SHCBP1L: variants seen among roughly 807,000 people sequenced by gnomAD.
SHCBP1L encodes testicular spindle-associated protein SHCBP1L.
A neutral mutation model predicts 62.5 loss-of-function variants in SHCBP1L; 67 were observed. That is an observed-to-expected ratio of 1.07 (90% CI 0.88 to 1.31). The LOEUF is 1.31. Ranked by LOEUF, SHCBP1L falls within the 40% of genes most tolerant of loss-of-function variation. The probability of loss-of-function intolerance (pLI) is 0.00; values close to 1 mark genes in which losing one functional copy is unlikely to be tolerated. For synonymous variants in SHCBP1L, 284 were observed against 289.4 expected (o/e 0.98, Z 0.19); for missense variants, 823 against 809.8 (o/e 1.02, Z -0.20).
intron 6 of SHCBP1L, among the ~76,000 whole-genome samples, chr1:182,915,149 C>T (rs1347250194): frequency 9.9e-6 from 1 of 101,500 alleles, no homozygotes; most frequent in Non-Finnish European, 1.8e-5. Flanking sequence ...GCAACAGAGG[C>T]AGACTCTGTC....
At chr1:182,939,135 T>A (rs779695659) in intron 5 of SHCBP1L, 41 bp downstream of exon 5, 1 of 1,467,254 alleles carries the variant, frequency 6.8e-7, no homozygotes, top group East Asian at 2.3e-5. Flanking sequence ...ATAATAACCA[T>A]GTAAACTTTT....
At chr1:182,937,679 A>G (rs1651224625) in intron 5 of SHCBP1L, among the ~76,000 whole-genome samples, 1 of 152,190 alleles carries the variant, frequency 6.6e-6, no homozygotes, top group Non-Finnish European at 1.5e-5. Context: ...AAACTGTCCC[A>G]CAGTTCTTGA....
intron 6 of SHCBP1L, among the ~76,000 whole-genome samples, chr1:182,910,822 G>A (rs1650158420): frequency 6.6e-6 from 1 of 152,122 alleles, no homozygotes. Context: ...CCTCAGCTCA[G>A]AGACAATCTG....
chr1:182,907,690 T>C (rs1213922647), intron 6 of SHCBP1L, among the ~76,000 whole-genome samples: 1 of 151,874 alleles, frequency 6.6e-6, no homozygotes, highest in Non-Finnish European at 1.5e-5. Context: ...GTGATTCTCC[T>C]GCCTCAGCCT....
intron 6 of SHCBP1L, among the ~76,000 whole-genome samples, chr1:182,911,541 G>A (rs74129619): frequency 0.093 from 14,154 of 152,076 alleles, 952 homozygotes; most frequent in African/African-American, 0.18. Context: ...ATAAGACTTT[G>A]GACTTACTAG....
At chr1:182,918,111 C>T (rs1650410651) in intron 6 of SHCBP1L, among the ~76,000 whole-genome samples, 1 of 148,220 alleles carries the variant, frequency 6.7e-6, no homozygotes, top group Non-Finnish European at 1.5e-5. Context: ...TATATATACA[C>T]ACACATATAT....
At chr1:182,902,287 G>A (rs1649869580) in intron 9 of SHCBP1L, among the ~76,000 whole-genome samples, 2 of 151,892 alleles carry the variant, frequency 1.3e-5, no homozygotes, top group African/African-American at 2.4e-5. Context: ...TCTTGACCTC[G>A]TGATCTGCTC....
chr1:182,917,988 A>G (rs1181301539), intron 6 of SHCBP1L, among the ~76,000 whole-genome samples: 1 of 151,736 alleles, frequency 6.6e-6, no homozygotes, highest in East Asian at 1.9e-4. Flanking sequence ...AAGAAATAAA[A>G]TGTATCCAAA....
At chr1:182,921,028 C>T (rs1260756924) in intron 6 of SHCBP1L, among the ~76,000 whole-genome samples, 2 of 151,916 alleles carry the variant, frequency 1.3e-5, no homozygotes, top group Admixed American at 6.6e-5. Flanking sequence ...AGCAGAGTAC[C>T]CCTATGAGAT....
chr1:182,931,642 T>A (rs950603155), intron 5 of SHCBP1L, among the ~76,000 whole-genome samples: 1 of 152,146 alleles, frequency 6.6e-6, no homozygotes, highest in Non-Finnish European at 1.5e-5. Flanking sequence ...TTCAGCAAAG[T>A]TGATCAAAAA....
chr1:182,904,568 TG>T, intron 7 of SHCBP1L, 138 bp from the exon 8 acceptor site: 1 of 899,966 alleles, frequency 1.1e-6, no homozygotes, highest in Non-Finnish European at 1.7e-6. Context: ...TGTGTGTGTG[TG>T]TGTGTGTGCG....
intron 9 of SHCBP1L, among the ~76,000 whole-genome samples, chr1:182,902,184 G>A (rs1214048936): frequency 2.0e-5 from 3 of 150,760 alleles, no homozygotes; most frequent in African/African-American, 7.3e-5. Flanking sequence ...TGAATAGCTG[G>A]GACTACAGGC....
intron 6 of SHCBP1L, among the ~76,000 whole-genome samples, chr1:182,921,288 G>A (rs533486302): frequency 6.6e-6 from 1 of 152,232 alleles, no homozygotes; most frequent in South Asian, 2.1e-4. Context: ...CTTCATAAGT[G>A]AAGGTAAGAA....
intron 5 of SHCBP1L, among the ~76,000 whole-genome samples, chr1:182,936,665 T>G (rs556027191): frequency 6.6e-6 from 1 of 152,194 alleles, no homozygotes; most frequent in Non-Finnish European, 1.5e-5. Flanking sequence ...TGATATTGTT[T>G]CATTTATTTC....
At chr1:182,904,152 A>C in intron 8 of SHCBP1L, 28 bp downstream of exon 8, 1 of 1,610,536 alleles carries the variant, frequency 6.2e-7, no homozygotes, top group Non-Finnish European at 8.5e-7. Context: ...TAGTCATATA[A>C]GGCCATACTT....
chr1:182,920,313 G>A (rs2101932257), intron 6 of SHCBP1L, among the ~76,000 whole-genome samples: 1 of 152,232 alleles, frequency 6.6e-6, no homozygotes, highest in African/African-American at 2.4e-5. Flanking sequence ...GTAGTACTGA[G>A]GTAAGAATTG....
intron 5 of SHCBP1L, among the ~76,000 whole-genome samples, chr1:182,933,290 C>A (rs1445904479): frequency 6.6e-6 from 1 of 152,174 alleles, no homozygotes; most frequent in Admixed American, 6.5e-5. Context: ...ATAGAGATAA[C>A]TTTACTTCTT....
intron 6 of SHCBP1L, among the ~76,000 whole-genome samples, chr1:182,928,034 T>C (rs1488756079): frequency 6.6e-6 from 1 of 152,170 alleles, no homozygotes; most frequent in Non-Finnish European, 1.5e-5. Flanking sequence ...TTAAAAGGTG[T>C]TTATAAAGAT....
intron 6 of SHCBP1L, among the ~76,000 whole-genome samples, chr1:182,918,071 TATATATATGTATATATACAC>T (rs1183183707): frequency 4.7e-5 from 7 of 149,782 alleles, no homozygotes; most frequent in African/African-American, 1.2e-4. Context: ...TCTCTCTCTA[TATATATATGTATATATACAC>T]ATATATATGT....
Sources: allele counts gnomAD v4.1 joint callset (sites outside exome capture counted in the v4.1 genomes callset), GRCh38; gene constraint gnomAD v4.1.1; transcripts MANE v1.5; gene names NCBI Gene and HGNC (gene_info 2026-07-23, HGNC 2026-07-21).